The following SKAP2 variants were observed in gnomAD, a reference collection of about 807,000 sequenced individuals.
SKAP2 encodes the protein src kinase-associated phosphoprotein 2.
In SKAP2, 28 loss-of-function variants were observed where a neutral mutation model predicts 54.9. The ratio of observed to expected loss-of-function variants is 0.51; its 90% CI spans 0.38 to 0.70. SKAP2 has a LOEUF of 0.70. Among genes scored for constraint, SKAP2 ranks in the 30% least tolerant of loss-of-function variants. The pLI is 0.00. For missense variants in SKAP2, 356 were observed against 424.1 expected (o/e 0.84, Z 1.41); for synonymous variants, 137 against 134.3 (o/e 1.02, Z -0.14).
At chr7:26,657,755 C>T in the SKAP2 span, among the ~76,000 whole-genome samples, 15 of 140,698 alleles carry the variant, frequency 1.1e-4, no homozygotes, top group Non-Finnish European at 1.8e-4. Flanking sequence ...CCCCAACTTA[C>T]GCACTGACAC....
At chr7:26,768,972 C>T (rs1009483581) in intron 4 of SKAP2, among the ~76,000 whole-genome samples, 18 of 152,064 alleles carry the variant, frequency 1.2e-4, no homozygotes, top group Admixed American at 2.6e-4. Context: ...TTGTGGTGTT[C>T]TATGTGTTTC....
At chr7:26,722,272 AACAG>A (rs1160258775) in intron 9 of SKAP2, among the ~76,000 whole-genome samples, 4 of 152,226 alleles carry the variant, frequency 2.6e-5, no homozygotes, top group African/African-American at 9.6e-5. Flanking sequence ...CAAGAAATTA[AACAG>A]AAGGTACTGT....
chr7:26,831,750 G>C (rs555041894), intron 4 of SKAP2, among the ~76,000 whole-genome samples: 19 of 152,038 alleles, frequency 1.2e-4, no homozygotes, highest in African/African-American at 4.6e-4. Context: ...TGAAGTATTT[G>C]AACCCAGGCA....
chr7:26,803,598 T>G (rs1000763757), intron 4 of SKAP2, among the ~76,000 whole-genome samples: 8 of 152,058 alleles, frequency 5.3e-5, no homozygotes, highest in Non-Finnish European at 1.0e-4. Context: ...TACCATAGGA[T>G]CCAGCAATCC....
At chr7:26,718,653 G>A (rs976038554) in intron 9 of SKAP2, among the ~76,000 whole-genome samples, 7 of 151,884 alleles carry the variant, frequency 4.6e-5, no homozygotes, top group South Asian at 2.1e-4. Context: ...CTACAGGCAC[G>A]TGCCACCACG....
intron 8 of SKAP2, 68 bp from the exon 9 acceptor site, chr7:26,725,633 TA>T: frequency 7.3e-7 from 1 of 1,360,904 alleles, no homozygotes; most frequent in Non-Finnish European, 9.9e-7. Context: ...CTATACTTTA[TA>T]AATAAATGCA....
At chr7:26,777,551 C>A (rs774755791) in intron 4 of SKAP2, among the ~76,000 whole-genome samples, 13 of 152,228 alleles carry the variant, frequency 8.5e-5, no homozygotes, top group Middle Eastern at 6.8e-3. Flanking sequence ...ACTGATCAAT[C>A]TACACCCCTA....
At chr7:26,683,251 G>A (rs1385755350) in intron 11 of SKAP2, among the ~76,000 whole-genome samples, 1 of 152,156 alleles carries the variant, frequency 6.6e-6, no homozygotes, top group African/African-American at 2.4e-5. Flanking sequence ...TTATTAAGTA[G>A]TTAACCAAAA....
intron 1 of SKAP2, among the ~76,000 whole-genome samples, chr7:26,857,071 A>C (rs957221059): frequency 1.3e-5 from 2 of 151,512 alleles, no homozygotes; most frequent in Admixed American, 6.6e-5. Flanking sequence ...ATTTTATGAC[A>C]AAGTTTTTTT....
chr7:26,820,061 T>C lies in SKAP2; in HGVS notation c.307+23969A>G, dbSNP rs113356499. Among the ~76,000 whole-genome samples the C allele has an allele frequency of 1.7e-3, 252 of 152,198 alleles. 1 individual carries two copies. The highest frequency in any genetic ancestry group is 4.7e-3 in the African/African-American group (194 of 41,564). On this transcript the variant is annotated intron_variant, in intron 4 of 12. Transcript: ENST00000345317. ...AGCCTGGCGCACTGGCACATGCCTA[T>C]AGTCCCAGCTACTTGGGTGGCTGAG... is the stretch of plus-strand genomic sequence containing the variant.
chr7:26,864,054 G>GTCACACAC (rs1554310114), intron 1 of SKAP2, among the ~76,000 whole-genome samples: 1 of 64,682 alleles, frequency 1.5e-5, no homozygotes, highest in African/African-American at 8.2e-5. Flanking sequence ...CCGCCCTTCT[G>GTCACACAC]TCACACACAC....
intron 1 of SKAP2, chr7:26,857,333 A>AAAAAG (rs1785190649): frequency 7.8e-6 from 2 of 257,246 alleles, no homozygotes; most frequent in South Asian, 2.8e-4. Context: ...AAAAAAAAAA[A>AAAAAG]AACTTTAAAC....
chr7:26,840,272 T>C (rs1562631245), intron 4 of SKAP2, among the ~76,000 whole-genome samples: 1 of 152,118 alleles, frequency 6.6e-6, no homozygotes, highest in African/African-American at 2.4e-5. Context: ...GGTCTAGGAC[T>C]GAATCAGATT....
At chr7:26,829,147 T>C (rs1332039953) in intron 4 of SKAP2, among the ~76,000 whole-genome samples, 1 of 152,192 alleles carries the variant, frequency 6.6e-6, no homozygotes, top group African/African-American at 2.4e-5. Context: ...TGAAAACCTG[T>C]AGATACTGAG....
At chr7:26,726,806 T>C in intron 7 of SKAP2, 76 bp downstream of exon 7, 1 of 1,184,230 alleles carries the variant, frequency 8.4e-7, no homozygotes, top group Non-Finnish European at 1.2e-6. Flanking sequence ...AAAGTATTAA[T>C]CAAATGTTAA....
chr7:26,738,022 G>A (rs946225430), intron 6 of SKAP2, among the ~76,000 whole-genome samples: 2 of 152,162 alleles, frequency 1.3e-5, no homozygotes, highest in Non-Finnish European at 2.9e-5. Context: ...GAGACAGGAA[G>A]ATCACTTGAG....
intron 6 of SKAP2, among the ~76,000 whole-genome samples, chr7:26,731,463 C>G (rs1330265122): frequency 6.6e-6 from 1 of 152,156 alleles, no homozygotes; most frequent in African/African-American, 2.4e-5. Flanking sequence ...CTAAGTCTTG[C>G]TCTCTTCTTA....
chr7:26,784,238 G>A (rs1256960115), intron 4 of SKAP2, among the ~76,000 whole-genome samples: 4 of 152,122 alleles, frequency 2.6e-5, no homozygotes, highest in African/African-American at 9.7e-5. Flanking sequence ...TGGCTGTTCA[G>A]GGAGTTACCT....
intron 4 of SKAP2, among the ~76,000 whole-genome samples, chr7:26,749,220 G>C (rs1463665739): frequency 1.3e-5 from 2 of 152,068 alleles, no homozygotes. Flanking sequence ...AAACAAATCT[G>C]ATGCATAAAC....
Sources: gnomAD v4.1 joint callset for allele counts (sites outside exome capture counted in the v4.1 genomes callset) on GRCh38, gnomAD v4.1.1 for gene constraint, MANE v1.5 for transcripts, NCBI Gene and HGNC (gene_info 2026-07-23, HGNC 2026-07-21) for gene names.